BICD1: variants seen among roughly 807,000 people sequenced by gnomAD.
The protein encoded by BICD1 is BICD cargo adaptor 1, also known as protein bicaudal D homolog 1.
BICD1 carries 35 observed loss-of-function variants against 92.5 expected under a neutral mutation model. The observed-to-expected ratio is 0.38, with a 90% CI of 0.29 to 0.50. BICD1 has a LOEUF of 0.50. Among genes scored for constraint, BICD1 ranks in the 20% least tolerant of loss-of-function variants. The pLI is 0.93. For missense variants in BICD1, 950 were observed against 1,189.8 expected, an observed-to-expected ratio of 0.80 and a Z score of 2.97; for synonymous variants, 429 against 465.1, an observed-to-expected ratio of 0.92 and a Z score of 1.00.
chr12:32,365,578 C>T (rs1328498607), intron 8 of BICD1, among the ~76,000 whole-genome samples: 2 of 152,194 alleles, frequency 1.3e-5, no homozygotes, highest in Non-Finnish European at 2.9e-5. Context: ...TTATACCTCC[C>T]TGGCAATGTA....
chr12:32,309,319 G>C (rs1948316036), intron 4 of BICD1, among the ~76,000 whole-genome samples: 1 of 152,094 alleles, frequency 6.6e-6, no homozygotes, highest in Non-Finnish European at 1.5e-5. Context: ...TTATGAAGAG[G>C]AACCAATCAA....
intron 1 of BICD1, among the ~76,000 whole-genome samples, chr12:32,215,337 C>T (rs1945324435): frequency 6.6e-6 from 1 of 151,980 alleles, no homozygotes; most frequent in South Asian, 2.1e-4. Flanking sequence ...CGTAAGTGAC[C>T]AGTTTAGTTT....
At chr12:32,147,850 T>A (rs1943161333) in intron 1 of BICD1, among the ~76,000 whole-genome samples, 3 of 152,146 alleles carry the variant, frequency 2.0e-5, no homozygotes, top group Non-Finnish European at 2.9e-5. Context: ...ATATCTCTAC[T>A]GCAGTAGGCC....
At chr12:32,275,149 C>G (rs1040483372) in intron 2 of BICD1, among the ~76,000 whole-genome samples, 3 of 152,058 alleles carry the variant, frequency 2.0e-5, no homozygotes, top group African/African-American at 7.2e-5. Context: ...AACTTTTAAT[C>G]CCTTGATTTG....
chr12:32,253,092 A>C (rs1298277395), intron 2 of BICD1, among the ~76,000 whole-genome samples: 1 of 152,090 alleles, frequency 6.6e-6, no homozygotes, highest in Non-Finnish European at 1.5e-5. Flanking sequence ...CATGTTGCCC[A>C]GGCTGGTCTT....
intron 5 of BICD1, 136 bp from the exon 6 acceptor site, chr12:32,334,380 C>G: frequency 1.1e-6 from 1 of 918,510 alleles, no homozygotes; most frequent in Non-Finnish European, 1.5e-6. Context: ...AAGCGCATAC[C>G]TATGTTTATA....
At chr12:32,145,274 G>A (rs2594014) in intron 1 of BICD1, among the ~76,000 whole-genome samples, 27,131 of 152,156 alleles carry the variant, frequency 0.18, 2,512 homozygotes, top group East Asian at 0.22. Flanking sequence ...TCTGTGACAC[G>A]AGATAATGAT....
chr12:32,219,272 G>A (rs1031844074), intron 2 of BICD1, among the ~76,000 whole-genome samples: 19 of 152,252 alleles, frequency 1.2e-4, no homozygotes, highest in African/African-American at 1.9e-4. Flanking sequence ...GTGTGTGTGC[G>A]TGCATATATG....
At chr12:32,109,934 C>G (rs943392652) in intron 1 of BICD1, among the ~76,000 whole-genome samples, 1 of 151,958 alleles carries the variant, frequency 6.6e-6, no homozygotes, top group African/African-American at 2.4e-5. Context: ...GAAAGTTTTG[C>G]TCATCAGGTA....
chr12:32,147,498 T>A (rs895762787), intron 1 of BICD1, among the ~76,000 whole-genome samples: 2 of 152,240 alleles, frequency 1.3e-5, no homozygotes, highest in Non-Finnish European at 2.9e-5. Flanking sequence ...GAAGAATTTT[T>A]ATGCTATTTT....
intron 1 of BICD1, among the ~76,000 whole-genome samples, chr12:32,207,521 T>A (rs538508893): frequency 1.5e-3 from 231 of 152,208 alleles, no homozygotes; most frequent in African/African-American, 5.4e-3. Context: ...AGATTTTTTT[T>A]AAAAAAACAT....
intron 1 of BICD1, among the ~76,000 whole-genome samples, chr12:32,191,232 A>C (rs1944556818): frequency 6.6e-6 from 1 of 152,228 alleles, no homozygotes; most frequent in African/African-American, 2.4e-5. Flanking sequence ...TTGGAGCAAA[A>C]AGAAGCTAAG....
At chr12:32,308,647 G>GTGGA (rs1014083667) in intron 4 of BICD1, among the ~76,000 whole-genome samples, 1 of 152,142 alleles carries the variant, frequency 6.6e-6, no homozygotes, top group African/African-American at 2.4e-5. Context: ...AGGGACTGAT[G>GTGGA]TGGATACTGG....
intron 3 of BICD1, among the ~76,000 whole-genome samples, chr12:32,303,900 C>T (rs567035851): frequency 6.6e-6 from 1 of 152,240 alleles, no homozygotes; most frequent in East Asian, 1.9e-4. Context: ...TGGTGAAACC[C>T]TGTCTCTACT....
chr12:32,250,920 G>GCTGCGGTGAGCTGTGAT (rs1374964796), intron 2 of BICD1, among the ~76,000 whole-genome samples: 1 of 152,138 alleles, frequency 6.6e-6, no homozygotes. Flanking sequence ...GGAGGTCGAG[G>GCTGCGGTGAGCTGTGAT]CTGCGGTGAG....
chr12:32,266,785 G>A (rs113064649), intron 2 of BICD1, among the ~76,000 whole-genome samples: 4,203 of 151,266 alleles, frequency 0.028, 217 homozygotes, highest in African/African-American at 0.097. Context: ...TTGAACCCAG[G>A]AGATGGAGGT....
chr12:32,235,650 A>T (rs1263111804), intron 2 of BICD1, among the ~76,000 whole-genome samples: 1 of 146,726 alleles, frequency 6.8e-6, no homozygotes, highest in Non-Finnish European at 1.5e-5. Flanking sequence ...TGCTCCTTTT[A>T]TGACTGTGTC....
intron 1 of BICD1, among the ~76,000 whole-genome samples, chr12:32,140,034 T>C (rs1942859643): frequency 6.6e-6 from 1 of 152,220 alleles, no homozygotes; most frequent in Admixed American, 6.5e-5. Flanking sequence ...TTGTAGTGGA[T>C]TCCCTTGCTG....
At chr12:32,293,899 G>C in intron 2 of BICD1, 95 bp from the exon 3 acceptor site, 5 of 1,262,180 alleles carry the variant, frequency 4.0e-6, no homozygotes, top group Non-Finnish European at 5.4e-6. Flanking sequence ...ACCCCATGAG[G>C]TGTTTTTATT....
Sources: allele counts gnomAD v4.1 joint callset (sites outside exome capture counted in the v4.1 genomes callset), GRCh38; gene constraint gnomAD v4.1.1; transcripts MANE v1.5; gene names NCBI Gene and HGNC (gene_info 2026-07-23, HGNC 2026-07-21).